The following IGFBP7 variants were observed in gnomAD, a reference collection of about 807,000 sequenced individuals.
IGFBP7 encodes insulin like growth factor binding protein 7, also known as insulin-like growth factor-binding protein 7.
IGFBP7 carries 31 observed loss-of-function variants against 29.4 expected under a neutral mutation model. That is an observed-to-expected ratio of 1.05 (90% CI 0.79 to 1.42). The LOEUF (loss-of-function observed/expected upper bound fraction) is 1.42. IGFBP7 is among the 40% of genes most tolerant of loss of function. IGFBP7 has a pLI of 0.00. For missense variants in IGFBP7, 393 were observed against 395.5 expected (o/e 0.99, Z 0.05); for synonymous variants, 172 against 174.9 (o/e 0.98, Z 0.13).
In IGFBP7 at chr4:57,078,645, G is replaced by C. The variant is rs140010338; in HGVS notation, c.475+31232C>G. Among the ~76,000 whole-genome samples, 330 of 151,998 alleles carry C rather than the reference G, an allele frequency of 2.2e-3. 1 individual carries two copies. Among genetic ancestry groups the C allele is most frequent in the African/African-American group, 7.8e-3 (322 of 41,490 alleles). The stretch of plus-strand genomic sequence containing the variant: ...GAACACCCTTACCCTTGATGGGCCA[G>C]TGATATAAATATGCATTTCCCATTC... On this transcript the variant is annotated intron_variant, in intron 1 of 4. Coordinates refer to ENST00000295666, the MANE Select transcript of IGFBP7 (RefSeq NM_001553.3).
At chr4:57,049,971 C>T (rs888134702) in intron 1 of IGFBP7, among the ~76,000 whole-genome samples, 2 of 152,116 alleles carry the variant, frequency 1.3e-5, no homozygotes, top group African/African-American at 4.8e-5. Flanking sequence ...TATTTATCAG[C>T]TGGCAGATTA....
At chr4:57,087,662 G>T (rs577052466) in intron 1 of IGFBP7, among the ~76,000 whole-genome samples, 1 of 152,206 alleles carries the variant, frequency 6.6e-6, no homozygotes, top group South Asian at 2.1e-4. Flanking sequence ...TACTACAATA[G>T]TTGGTAAAGT....
intron 1 of IGFBP7, among the ~76,000 whole-genome samples, chr4:57,054,160 C>T (rs1426058258): frequency 1.3e-5 from 2 of 152,102 alleles, no homozygotes; most frequent in African/African-American, 4.8e-5. Context: ...TAGGACACTT[C>T]ATCTTGGAGT....
intron 1 of IGFBP7, among the ~76,000 whole-genome samples, chr4:57,045,833 C>T (rs1227728798): frequency 1.3e-5 from 2 of 151,556 alleles, no homozygotes; most frequent in Non-Finnish European, 2.9e-5. Context: ...TCAAGCGATC[C>T]TCCTGCCTCA....
chr4:57,096,868 G>C (rs986616034), intron 1 of IGFBP7, among the ~76,000 whole-genome samples: 1 of 152,150 alleles, frequency 6.6e-6, no homozygotes, highest in Non-Finnish European at 1.5e-5. Flanking sequence ...TAAAAAATGA[G>C]TTCCTGCTAA....
chr4:57,061,540 T>C (rs1485157228), intron 1 of IGFBP7, among the ~76,000 whole-genome samples: 1 of 152,184 alleles, frequency 6.6e-6, no homozygotes, highest in Non-Finnish European at 1.5e-5. Flanking sequence ...AGCTACTGAC[T>C]GACTAATGAG....
intron 1 of IGFBP7, among the ~76,000 whole-genome samples, chr4:57,107,708 A>C (rs1232195339): frequency 6.6e-6 from 1 of 152,174 alleles, no homozygotes; most frequent in East Asian, 1.9e-4. Context: ...TTCCAGTTTT[A>C]GATGCTGTTT....
intron 1 of IGFBP7, among the ~76,000 whole-genome samples, chr4:57,082,757 T>A (rs866995233): frequency 4.6e-5 from 7 of 152,202 alleles, no homozygotes; most frequent in African/African-American, 1.7e-4. Context: ...ATATAGTTTT[T>A]ATTTTTTTAA....
chr4:57,083,692 C>T (rs956173739), intron 1 of IGFBP7, among the ~76,000 whole-genome samples: 1 of 152,158 alleles, frequency 6.6e-6, no homozygotes, highest in Non-Finnish European at 1.5e-5. Context: ...TGGTGCGTGG[C>T]ACATAGTATG....
chr4:57,086,844 C>T (rs532793330), intron 1 of IGFBP7, among the ~76,000 whole-genome samples: 1 of 152,308 alleles, frequency 6.6e-6, no homozygotes, highest in African/African-American at 2.4e-5. Context: ...AGCGATTCTC[C>T]TGCCTCAGCC....
In IGFBP7 at chr4:57,033,197, G is replaced by C. The variant is rs761830642; in HGVS notation, c.700C>G (p.Leu234Val). 5 of 1,603,726 alleles carry C rather than the reference G, an allele frequency of 3.1e-6. No individual in the cohort carries two copies. The change falls in exon 3 of 5, where the codon CTG (leucine) becomes GTG (valine). Residue 234 changes from leucine to valine, a missense_variant and splice_region_variant. Leu to Val is a conservative substitution (Grantham distance 32). Transcript: ENST00000295666. Reference sequence around the variant, plus strand: ...CAGCTCTTGGTACTGGTACTCACCAGCACCCAGCCAGTTACTTCATGCTTT... The same window carrying C: ...CAGCTCTTGGTACTGGTACTCACCACCACCCAGCCAGTTACTTCATGCTTT... ...PEKHEVTGWVLVSPLSKEDAG... is the reference protein window; with the variant it reads ...PEKHEVTGWVVVSPLSKEDAG...
At chr4:57,082,667 T>C (rs924637207) in intron 1 of IGFBP7, among the ~76,000 whole-genome samples, 1 of 152,180 alleles carries the variant, frequency 6.6e-6, no homozygotes, top group Non-Finnish European at 1.5e-5. Flanking sequence ...AATATACAAA[T>C]ATATAAAGAA....
At chr4:57,073,485 C>T (rs1198512039) in intron 1 of IGFBP7, among the ~76,000 whole-genome samples, 1 of 151,752 alleles carries the variant, frequency 6.6e-6, no homozygotes, top group African/African-American at 2.4e-5. Flanking sequence ...GTTCCAGCTA[C>T]TCAGGGGACT....
chr4:57,104,698 T>C (rs1477135271), intron 1 of IGFBP7, among the ~76,000 whole-genome samples: 1 of 152,182 alleles, frequency 6.6e-6, no homozygotes, highest in African/African-American at 2.4e-5. Flanking sequence ...ACAGAACAGT[T>C]TCTATAGCTC....
intron 1 of IGFBP7, among the ~76,000 whole-genome samples, chr4:57,041,656 C>T (rs1056629577): frequency 3.9e-5 from 6 of 152,210 alleles, no homozygotes; most frequent in Non-Finnish European, 8.8e-5. Flanking sequence ...CCACCCCAGC[C>T]TCCCGAGTAG....
At chr4:57,090,138 T>C (rs1665489857) in intron 1 of IGFBP7, among the ~76,000 whole-genome samples, 2 of 152,216 alleles carry the variant, frequency 1.3e-5, no homozygotes, top group Non-Finnish European at 2.9e-5. Flanking sequence ...TCTTTACCAA[T>C]AGACCAGCTA....
At chr4:57,093,620 A>T (rs898149823) in intron 1 of IGFBP7, among the ~76,000 whole-genome samples, 4 of 150,848 alleles carry the variant, frequency 2.7e-5, no homozygotes, top group African/African-American at 4.9e-5. Context: ...CACCTATTAA[A>T]TTTTTTTTTT....
Position 57,066,861 on chromosome 4 carries a change from C to T in IGFBP7, c.476-25928G>A, listed in dbSNP as rs1447574186. 2.0e-5 allele frequency among the ~76,000 whole-genome samples: 3 copies of T among 151,626 alleles called. No individual in the cohort carries two copies. The East Asian group carries it at 5.8e-4, about 29-fold the overall frequency. On this transcript the variant is annotated intron_variant, in intron 1 of 4. Transcript: ENST00000295666. ...TACAGACATGAGCCACCATGCTTGG[C>T]TTTAATTGTTTTAAAAGAAGAAAAA...
intron 1 of IGFBP7, among the ~76,000 whole-genome samples, chr4:57,109,467 T>C (rs772089804): frequency 1.3e-5 from 2 of 152,102 alleles, no homozygotes; most frequent in Non-Finnish European, 2.9e-5. Flanking sequence ...CCTTACTTTA[T>C]ATTTAATTGT....
Sources: gnomAD v4.1 joint callset for allele counts (sites outside exome capture counted in the v4.1 genomes callset) on GRCh38, gnomAD v4.1.1 for gene constraint, MANE v1.5 for transcripts, NCBI Gene and HGNC (gene_info 2026-07-23, HGNC 2026-07-21) for gene names.